AKAP6: variants seen among roughly 807,000 people sequenced by gnomAD.
The protein encoded by AKAP6 is A-kinase anchor protein 6.
Under a neutral mutation model 188.5 loss-of-function variants are expected in AKAP6, and 58 were observed. The ratio of observed to expected loss-of-function variants is 0.31; its 90% CI spans 0.25 to 0.38. The LOEUF is 0.38. Ranked by LOEUF, AKAP6 falls within the 10% of genes least tolerant of loss-of-function variation. AKAP6 has a pLI of 1.00. For missense variants in AKAP6, 2,710 were observed against 2,740.0 expected, an observed-to-expected ratio of 0.99 and a Z score of 0.24; for synonymous variants, 989 against 998.6, an observed-to-expected ratio of 0.99 and a Z score of 0.18.
chr14:32,377,582 G>A (rs1467547955), intron 1 of AKAP6, among the ~76,000 whole-genome samples: 2 of 152,150 alleles, frequency 1.3e-5, no homozygotes, highest in Non-Finnish European at 2.9e-5. Flanking sequence ...AGTCACAGGA[G>A]TGTGGAGATT....
Position 32,706,861 on chromosome 14 carries a change from CT to C in AKAP6, c.3000+10753del, listed in dbSNP as rs145903529. ...GGAAAGAAACAACCAGGCTAATGCT[CT>C]TATGGCCTTTGGGTTGATTTCAATT... On this transcript the variant is annotated intron_variant, in intron 9 of 13. Transcript: ENST00000280979. 5.3e-3 allele frequency among the ~76,000 whole-genome samples: 804 copies of C among 152,132 alleles called. 10 individuals carry two copies. Among genetic ancestry groups the C allele is most frequent in the African/African-American group, 0.017 (698 of 41,530 alleles).
chr14:32,767,810 A>G (rs1484025966), intron 11 of AKAP6, among the ~76,000 whole-genome samples: 1 of 152,108 alleles, frequency 6.6e-6, no homozygotes, highest in East Asian at 1.9e-4. Flanking sequence ...CTCAGTGCCC[A>G]TAGTTTAGCA....
chr14:32,773,148 G>A (rs1422433961), intron 11 of AKAP6, among the ~76,000 whole-genome samples: 1 of 151,928 alleles, frequency 6.6e-6, no homozygotes, highest in Non-Finnish European at 1.5e-5. Flanking sequence ...AGCTTTGGAA[G>A]AGGAATATTG....
At chr14:32,614,611 T>A (rs7159519) in intron 7 of AKAP6, among the ~76,000 whole-genome samples, 64,344 of 151,992 alleles carry the variant, frequency 0.42, 14,545 homozygotes, top group East Asian at 0.73. Context: ...TATTAAGCTT[T>A]ATTTGGCAGG....
intron 2 of AKAP6, chr14:32,484,921 A>G (rs1436845427): frequency 4.5e-6 from 1 of 219,818 alleles, no homozygotes; most frequent in Non-Finnish European, 6.6e-6. Context: ...TCGAAGAAGC[A>G]GCTTCAAACC....
chr14:32,405,094 C>T lies in AKAP6; in HGVS notation c.-34-28366C>T, dbSNP rs542033976. On this transcript the variant is annotated intron_variant, in intron 1 of 13. Coordinates refer to ENST00000280979, the MANE Select transcript of AKAP6 (RefSeq NM_004274.5). ...GGATAAATGTCCTAACCTCACTCTT[C>T]TCTTTTCCTAATCTCAAGCCAGTGG... is the stretch of plus-strand genomic sequence containing the variant. Among the ~76,000 whole-genome samples the T allele has an allele frequency of 4.6e-5, 7 of 152,146 alleles. No homozygotes were observed. In the South Asian group the frequency reaches 1.5e-3, roughly 32 times the overall value.
intron 8 of AKAP6, among the ~76,000 whole-genome samples, chr14:32,683,191 G>T (rs1594843643): frequency 6.6e-6 from 1 of 151,846 alleles, no homozygotes; most frequent in East Asian, 1.9e-4. Flanking sequence ...ACGGGGTTTC[G>T]TCATGTTGCC....
chr14:32,823,771 A>C lies in AKAP6; in HGVS notation c.5958A>C (p.Glu1986Asp), dbSNP rs777387602. ...CTCCCACTGAGAAGTCTTTCTCAGA[A>C]CTGGCTTTAGAAACCAGGTTTAACA... The part of the protein sequence containing the change: ...ASTPTEKSFS[E>D]LALETRFNNR... Residue 1986 changes from glutamate (E) to aspartate (D), a missense_variant, in exon 13 of 14, where the codon GAA (glutamate) becomes GAC (aspartate). Around this residue, in one of 2 missense-constraint regions of AKAP6, gnomAD observed 2,473 missense variants for 2,426.1 expected, o/e 1.02. Coordinates refer to ENST00000280979, the MANE Select transcript of AKAP6 (RefSeq NM_004274.5). 2 of 1,613,666 alleles carry C rather than the reference A, an allele frequency of 1.2e-6. No homozygotes were observed.
intron 2 of AKAP6, among the ~76,000 whole-genome samples, chr14:32,518,802 C>A (rs1033959297): frequency 2.0e-5 from 3 of 152,134 alleles, no homozygotes; most frequent in Admixed American, 6.5e-5. Context: ...CTTCACCAAC[C>A]TAGAAAGGCA....
intron 2 of AKAP6, among the ~76,000 whole-genome samples, chr14:32,507,469 T>C (rs1030623871): frequency 6.6e-6 from 1 of 152,098 alleles, no homozygotes; most frequent in Non-Finnish European, 1.5e-5. Flanking sequence ...ATGCAATGGC[T>C]GGGTAGTTGT....
chr14:32,769,528 C>T (rs1402427655), intron 11 of AKAP6, among the ~76,000 whole-genome samples: 1 of 148,390 alleles, frequency 6.7e-6, no homozygotes, highest in African/African-American at 2.5e-5. Context: ...AAGGCGAAGT[C>T]TGAAAGTGGG....
chr14:32,560,339 A>G (rs564194143), intron 4 of AKAP6, among the ~76,000 whole-genome samples: 1 of 152,314 alleles, frequency 6.6e-6, no homozygotes, highest in Admixed American at 6.5e-5. Context: ...GAAGAACCGT[A>G]GGGATCCAAA....
Position 32,830,267 on chromosome 14 carries a change from A to G in AKAP6, c.*462A>G, listed in dbSNP as rs1594996991. On this transcript the variant is annotated 3_prime_UTR_variant, in exon 14 of 14. Coordinates refer to ENST00000280979, the MANE Select transcript of AKAP6 (RefSeq NM_004274.5). ...ATCTGGATTTTTTTTTAACGGTATA[A>G]TGACTGTGTTTATTGAAAGAGTTTT... 1.7e-5 allele frequency: 5 copies of G among 286,554 alleles called. No homozygotes were observed. In the East Asian group the frequency reaches 3.1e-4, roughly 18 times the overall value. The allele number at this position is 286,554 out of a possible 1,614,324, so 17.8% of individuals were successfully genotyped here.
At chr14:32,430,675 T>C (rs1890188020) in intron 1 of AKAP6, among the ~76,000 whole-genome samples, 1 of 152,198 alleles carries the variant, frequency 6.6e-6, no homozygotes, top group Admixed American at 6.5e-5. Flanking sequence ...GTGACACCAG[T>C]GTCTTCATTT....
At chr14:32,704,119 T>A (rs570473172) in intron 9 of AKAP6, among the ~76,000 whole-genome samples, 2 of 152,258 alleles carry the variant, frequency 1.3e-5, no homozygotes, top group African/African-American at 4.8e-5. Flanking sequence ...ATTGTGCTGC[T>A]TGGTTTCAGG....
chr14:32,586,072 T>A (rs1390596231), intron 5 of AKAP6, among the ~76,000 whole-genome samples: 3 of 152,190 alleles, frequency 2.0e-5, no homozygotes, highest in East Asian at 3.8e-4. Context: ...ATAGATTAAC[T>A]GGATGAGGTT....
chr14:32,519,842 A>G (rs900664280), intron 2 of AKAP6, among the ~76,000 whole-genome samples: 2 of 152,188 alleles, frequency 1.3e-5, no homozygotes, highest in Non-Finnish European at 2.9e-5. Flanking sequence ...TGCACCAAGC[A>G]GACATAATAG....
Position 32,650,577 on chromosome 14 carries a change from C to G in AKAP6, c.2731-27734C>G, listed in dbSNP as rs564645595. On this transcript the variant is annotated intron_variant, in intron 7 of 13. Transcript: ENST00000280979. ...AGTGAGCCAAGATCATGCCACTGTA[C>G]TCCAGCGTGGGCAACAGAGTGAGAC... 1.3e-3 allele frequency among the ~76,000 whole-genome samples: 198 copies of G among 152,178 alleles called. 4 individuals are homozygous for G. In the South Asian group the frequency reaches 0.032, roughly 24 times the overall value.
At position 32,824,565 on chromosome 14, in the gene AKAP6, G is replaced by A; in HGVS notation, c.6752G>A (p.Ser2251Asn). 2 of 1,613,910 alleles carry A rather than the reference G, an allele frequency of 1.2e-6. No homozygotes were observed. The highest frequency in any genetic ancestry group is 8.5e-7 in the Non-Finnish European group (1 of 1,179,944). Residue 2251 changes from serine (S) to asparagine (N), a missense_variant, in exon 13 of 14, where the codon AGT becomes AAT. This residue lies in a region of AKAP6 where 2,473 missense variants were observed against 2,426.1 expected (regional missense o/e 1.02). Coordinates refer to ENST00000280979, the MANE Select transcript of AKAP6 (RefSeq NM_004274.5). ...GAGTTTACTCCTTCAAAGCTTGACAGTGAAAAGGAAAGTTCCGGAAAACCA... is the reference window on the plus strand; with the variant it reads ...GAGTTTACTCCTTCAAAGCTTGACAATGAAAAGGAAAGTTCCGGAAAACCA... ...NLEFTPSKLD[S>N]EKESSGKPGE... is the part of the protein sequence containing the mutation.
Sources: gnomAD v4.1 joint callset for allele counts (sites outside exome capture counted in the v4.1 genomes callset) on GRCh38, gnomAD v4.1.1 for gene constraint, gnomAD v4.1.1 regional missense constraint, MANE v1.5 for transcripts, NCBI Gene and HGNC (gene_info 2026-07-23, HGNC 2026-07-21) for gene names.